NAALADL2: variants seen among roughly 807,000 people sequenced by gnomAD.
NAALADL2 encodes the protein inactive N-acetylated-alpha-linked acidic dipeptidase-like protein 2.
In NAALADL2, 76 loss-of-function variants were observed where a neutral mutation model predicts 87.2. The ratio of observed to expected loss-of-function variants is 0.87; its 90% CI spans 0.72 to 1.05. The LOEUF is 1.05. Among genes scored for constraint, NAALADL2 ranks in the 50% least tolerant of loss-of-function variants. The probability of loss-of-function intolerance (pLI) is 0.00; values close to 1 mark genes in which losing one functional copy is unlikely to be tolerated. For missense variants in NAALADL2, 1,089 were observed against 945.8 expected (o/e 1.15, Z -1.99); for synonymous variants, 354 against 331.0 (o/e 1.07, Z -0.75).
intron 3 of NAALADL2, among the ~76,000 whole-genome samples, chr3:174,790,874 T>C (rs994377347): frequency 1.8e-4 from 27 of 152,292 alleles, no homozygotes; most frequent in African/African-American, 6.5e-4. Context: ...TAGTTATTTA[T>C]ATATGTTCTT....
At chr3:174,902,156 A>G (rs1579441806) in intron 1 of NAALADL2, among the ~76,000 whole-genome samples, 1 of 152,264 alleles carries the variant, frequency 6.6e-6, no homozygotes, top group East Asian at 1.9e-4. Context: ...GCATAAGTCT[A>G]AGAGAAATAG....
At chr3:175,267,194 C>T (rs1328678048) in intron 4 of NAALADL2, among the ~76,000 whole-genome samples, 2 of 151,960 alleles carry the variant, frequency 1.3e-5, no homozygotes. Context: ...ATAGGCAAAA[C>T]ATATATAAAA....
At chr3:175,385,884 C>A (rs940004405) in intron 5 of NAALADL2, among the ~76,000 whole-genome samples, 1 of 152,046 alleles carries the variant, frequency 6.6e-6, no homozygotes, top group African/African-American at 2.4e-5. Context: ...AACCCAGTGA[C>A]ATCTAGAAGC....
intron 5 of NAALADL2, among the ~76,000 whole-genome samples, chr3:175,390,511 A>G (rs545443057): frequency 3.3e-5 from 5 of 152,286 alleles, no homozygotes; most frequent in Admixed American, 6.5e-5. Flanking sequence ...CTTGAAGCTT[A>G]TATACCATCT....
At chr3:175,508,577 T>C (rs953695961) in intron 9 of NAALADL2, among the ~76,000 whole-genome samples, 3 of 152,164 alleles carry the variant, frequency 2.0e-5, no homozygotes, top group African/African-American at 7.2e-5. Context: ...GCAATCTTCA[T>C]AGTTCTCAAC....
At chr3:174,443,470 A>G (rs1192636148) in intron 1 of NAALADL2, among the ~76,000 whole-genome samples, 1 of 152,220 alleles carries the variant, frequency 6.6e-6, no homozygotes, top group Non-Finnish European at 1.5e-5. Flanking sequence ...CAGGAAGAAG[A>G]TGTAATTGGG....
chr3:175,578,377 G>C (rs1055937703), intron 10 of NAALADL2, among the ~76,000 whole-genome samples: 3 of 152,024 alleles, frequency 2.0e-5, no homozygotes, highest in African/African-American at 4.8e-5. Flanking sequence ...AGGTTGCAGT[G>C]AGCCAAGATC....
intron 1 of NAALADL2, among the ~76,000 whole-genome samples, chr3:175,011,272 CAGAGAGACAGAG>C (rs1468582182): frequency 1.8e-3 from 196 of 110,346 alleles, no homozygotes; most frequent in African/African-American, 3.2e-3. Context: ...GGGAGAGAGA[CAGAGAGACAGAG>C]AGAGAGAGAG....
chr3:175,487,564 A>G (rs1172854915), intron 9 of NAALADL2: 2 of 456,414 alleles, frequency 4.4e-6, no homozygotes, highest in Non-Finnish European at 8.8e-6. Context: ...AGTCCTCAGT[A>G]TATCCACAGA....
At chr3:175,264,808 AAC>A (rs1751654849) in intron 4 of NAALADL2, among the ~76,000 whole-genome samples, 2 of 151,560 alleles carry the variant, frequency 1.3e-5, no homozygotes. Context: ...ATATTAGAAA[AAC>A]AATATTTTTA....
chr3:174,624,649 T>C (rs1036580952), intron 2 of NAALADL2, among the ~76,000 whole-genome samples: 1 of 151,172 alleles, frequency 6.6e-6, no homozygotes, highest in African/African-American at 2.4e-5. Context: ...GTTGGCATCA[T>C]GTGGAGATTG....
chr3:175,047,017 T>G (rs2108999534), intron 1 of NAALADL2, among the ~76,000 whole-genome samples: 1 of 152,268 alleles, frequency 6.6e-6, no homozygotes, highest in African/African-American at 2.4e-5. Context: ...GATGGCCATC[T>G]TCTTACTGTG....
intron 9 of NAALADL2, among the ~76,000 whole-genome samples, chr3:175,525,907 A>G (rs1200137686): frequency 3.3e-5 from 5 of 152,166 alleles, no homozygotes; most frequent in Non-Finnish European, 5.9e-5. Context: ...ACACTTTAGC[A>G]TTAGTCTTTC....
rs145042617 is a variant in NAALADL2, at chr3:175,095,922, T to A, written c.44-868T>A. On this transcript the variant is annotated intron_variant, in intron 1 of 13. Coordinates refer to ENST00000454872, the MANE Select transcript of NAALADL2 (RefSeq NM_207015.3). The stretch of plus-strand genomic sequence containing the variant: ...CAGACTTAAGACCACTTGCAGTTAA[T>A]TAGCCCAGTTTTCCTAATACCACTT... Among the ~76,000 whole-genome samples, 91 of 152,228 alleles carry A rather than the reference T, an allele frequency of 6.0e-4. 1 individual carries two copies. In the East Asian group the frequency reaches 0.017, roughly 28 times the overall value.
chr3:175,423,313 C>T (rs1384480254), intron 5 of NAALADL2, among the ~76,000 whole-genome samples: 49 of 147,072 alleles, frequency 3.3e-4, no homozygotes, highest in African/African-American at 1.1e-3. Flanking sequence ...AAGTGCACAA[C>T]GTGCAGATTT....
At chr3:175,704,013 G>A (rs956874834) in intron 11 of NAALADL2, among the ~76,000 whole-genome samples, 29 of 152,082 alleles carry the variant, frequency 1.9e-4, no homozygotes, top group African/African-American at 7.0e-4. Flanking sequence ...AAGTAAATGG[G>A]TATGGATTCT....
At chr3:174,652,046 A>T (rs1243164843) in intron 2 of NAALADL2, among the ~76,000 whole-genome samples, 5 of 152,214 alleles carry the variant, frequency 3.3e-5, no homozygotes, top group African/African-American at 1.2e-4. Flanking sequence ...ACTGCAGTCT[A>T]GTTCAAAGAA....
chr3:174,975,236 A>G (rs544164624), intron 1 of NAALADL2, among the ~76,000 whole-genome samples: 6 of 152,292 alleles, frequency 3.9e-5, no homozygotes, highest in South Asian at 2.1e-4. Context: ...TGCTTCTGTC[A>G]TTCCCTTGGC....
intron 11 of NAALADL2, among the ~76,000 whole-genome samples, chr3:175,716,176 C>T (rs1297555067): frequency 7.0e-6 from 1 of 142,888 alleles, no homozygotes; most frequent in Non-Finnish European, 1.5e-5. Flanking sequence ...TATTGGAATA[C>T]ATATATAATA....
Sources: allele counts gnomAD v4.1 joint callset (sites outside exome capture counted in the v4.1 genomes callset), GRCh38; gene constraint gnomAD v4.1.1; transcripts MANE v1.5; gene names NCBI Gene and HGNC (gene_info 2026-07-23, HGNC 2026-07-21).